Variants in C8orf34 observed in about 807,000 individuals in gnomAD.
The protein encoded by C8orf34 is chromosome 8 open reading frame 34.
In C8orf34, 65 loss-of-function variants were observed where a neutral mutation model predicts 68.3. The observed-to-expected ratio is 0.95, with a 90% CI of 0.78 to 1.17. C8orf34 has a LOEUF of 1.17. C8orf34 is among the 50% of genes most tolerant of loss of function. The probability of loss-of-function intolerance (pLI) is 0.00; values close to 1 mark genes in which losing one functional copy is unlikely to be tolerated. For missense variants in C8orf34, 664 were observed against 655.4 expected, an observed-to-expected ratio of 1.01 and a Z score of -0.14; for synonymous variants, 244 against 241.2, an observed-to-expected ratio of 1.01 and a Z score of -0.11.
At chr8:68,691,949 G>A (rs918193852) in intron 8 of C8orf34, among the ~76,000 whole-genome samples, 12 of 151,956 alleles carry the variant, frequency 7.9e-5, no homozygotes, top group South Asian at 2.1e-4. Flanking sequence ...TGAGCAACTC[G>A]GAATAAAATG....
rs563782606 is a variant in C8orf34, at chr8:68,621,846, T to C, written c.1106-18530T>C. Among the ~76,000 whole-genome samples the C allele has an allele frequency of 2.6e-5, 4 of 152,340 alleles. No homozygotes were observed. In the South Asian group the frequency reaches 8.3e-4, roughly 32 times the overall value. On this transcript the variant is annotated intron_variant, in intron 7 of 13. Coordinates refer to ENST00000518698, the MANE Select transcript of C8orf34 (RefSeq NM_052958.4). Reference sequence around the variant, plus strand: ...AATTGCTTGAGTGTTGCATTCATTATTTATAGCTGTGTAATAAATGATCAT... The same window carrying C: ...AATTGCTTGAGTGTTGCATTCATTACTTATAGCTGTGTAATAAATGATCAT...
intron 10 of C8orf34, among the ~76,000 whole-genome samples, chr8:68,774,636 T>C (rs1823453499): frequency 6.6e-6 from 1 of 152,050 alleles, no homozygotes; most frequent in African/African-American, 2.4e-5. Context: ...TAACCTGTGA[T>C]TTCTAAGTTT....
chr8:68,474,811 CA>C (rs1268776322), intron 4 of C8orf34, among the ~76,000 whole-genome samples: 1 of 152,170 alleles, frequency 6.6e-6, no homozygotes, highest in Non-Finnish European at 1.5e-5. Context: ...AAGTGACATA[CA>C]TTATCTTTCT....
chr8:68,572,431 G>A (rs1816785501), intron 7 of C8orf34, among the ~76,000 whole-genome samples: 2 of 151,602 alleles, frequency 1.3e-5, no homozygotes, highest in Admixed American at 1.3e-4. Flanking sequence ...GAATACATAA[G>A]CATTTTTGGA....
upstream of C8orf34, chr8:68,330,600 T>G (rs1488043886): frequency 6.0e-6 from 1 of 166,022 alleles, no homozygotes; most frequent in African/African-American, 2.4e-5. Flanking sequence ...CCTTTCGAAC[T>G]GCATTTGTAG....
intron 7 of C8orf34, among the ~76,000 whole-genome samples, chr8:68,588,427 ATCT>A (rs1213325034): frequency 1.3e-5 from 2 of 152,196 alleles, no homozygotes; most frequent in East Asian, 1.9e-4. Context: ...TTCAACACAA[ATCT>A]TCTTGTATTC....
At chr8:68,720,049 A>C (rs957023952) in intron 9 of C8orf34, among the ~76,000 whole-genome samples, 5 of 151,924 alleles carry the variant, frequency 3.3e-5, no homozygotes, top group Admixed American at 3.3e-4. Context: ...TTACAAGTGG[A>C]TTAATAGTTT....
intron 10 of C8orf34, among the ~76,000 whole-genome samples, chr8:68,764,729 A>G (rs1318443086): frequency 2.6e-5 from 4 of 152,192 alleles, no homozygotes; most frequent in Non-Finnish European, 4.4e-5. Context: ...GTATGACTAG[A>G]GCACCGGGAG....
At chr8:68,345,537 A>G (rs1348054676) in intron 1 of C8orf34, among the ~76,000 whole-genome samples, 1 of 152,010 alleles carries the variant, frequency 6.6e-6, no homozygotes, top group Non-Finnish European at 1.5e-5. Flanking sequence ...ACAGTTAACT[A>G]TATAAGCTTA....
Position 68,751,843 on chromosome 8 carries a change from A to T in C8orf34, c.1405-24556A>T, listed in dbSNP as rs184947792. 5.8e-3 allele frequency among the ~76,000 whole-genome samples: 873 copies of T among 150,978 alleles called. 9 individuals carry two copies. Among genetic ancestry groups the T allele is most frequent in the African/African-American group, 0.02 (837 of 41,410 alleles). ...GTTTGGGAAATTAATAGTAAAATTT[A>T]TATTTATAAAATATAAAATATATAT... is the stretch of plus-strand genomic sequence containing the variant. On this transcript the variant is annotated intron_variant, in intron 10 of 13. Coordinates refer to ENST00000518698, the MANE Select transcript of C8orf34 (RefSeq NM_052958.4).
intron 11 of C8orf34, among the ~76,000 whole-genome samples, chr8:68,786,337 T>A (rs1823844898): frequency 6.6e-6 from 1 of 152,168 alleles, no homozygotes; most frequent in Admixed American, 6.5e-5. Flanking sequence ...CCTATATGAA[T>A]GTTTACCTAG....
intron 12 of C8orf34, among the ~76,000 whole-genome samples, chr8:68,788,296 A>G (rs117909526): frequency 0.012 from 1,879 of 152,338 alleles, 30 homozygotes; most frequent in Admixed American, 0.033. Context: ...GATATGTTAC[A>G]TAGGTAGCAT....
intron 13 of C8orf34, 32 bp downstream of exon 13, chr8:68,815,977 TCGGGTAATGG>T (rs1563685603): frequency 6.2e-7 from 1 of 1,613,570 alleles, no homozygotes; most frequent in Admixed American, 1.7e-5. Context: ...AATATCGATG[TCGGGTAATGG>T]CGGGTACCTT....
intron 8 of C8orf34, among the ~76,000 whole-genome samples, chr8:68,642,582 T>A (rs560721142): frequency 6.6e-6 from 1 of 152,324 alleles, no homozygotes; most frequent in East Asian, 1.9e-4. Context: ...GGTATTAGCA[T>A]CTTCACTGGT....
At chr8:68,597,608 A>G (rs1035230884) in intron 7 of C8orf34, among the ~76,000 whole-genome samples, 5 of 151,454 alleles carry the variant, frequency 3.3e-5, no homozygotes, top group African/African-American at 1.2e-4. Context: ...GTGTGCACGG[A>G]CGAAGGAAAT....
intron 7 of C8orf34, among the ~76,000 whole-genome samples, chr8:68,630,778 T>C (rs1183712711): frequency 6.6e-6 from 1 of 151,828 alleles, no homozygotes; most frequent in Admixed American, 6.6e-5. Flanking sequence ...ATACCTACAA[T>C]TATATTTCAG....
chr8:68,570,591 T>C (rs1292728231), intron 7 of C8orf34, among the ~76,000 whole-genome samples: 1 of 152,178 alleles, frequency 6.6e-6, no homozygotes, highest in Non-Finnish European at 1.5e-5. Context: ...CTAGTATCGT[T>C]GGCACAAATT....
At chr8:68,580,878 A>G (rs1817042992) in intron 7 of C8orf34, among the ~76,000 whole-genome samples, 1 of 152,166 alleles carries the variant, frequency 6.6e-6, no homozygotes, top group Non-Finnish European at 1.5e-5. Flanking sequence ...ATCTTTTTCT[A>G]CTTTAATTCC....
At chr8:68,476,367 T>C (rs1159882769) in intron 4 of C8orf34, among the ~76,000 whole-genome samples, 1 of 152,136 alleles carries the variant, frequency 6.6e-6, no homozygotes. Context: ...TTTGGAAGTA[T>C]CCAAAGGTCA....
Sources: allele counts gnomAD v4.1 joint callset (sites outside exome capture counted in the v4.1 genomes callset), GRCh38; gene constraint gnomAD v4.1.1; transcripts MANE v1.5; gene names NCBI Gene and HGNC (gene_info 2026-07-23, HGNC 2026-07-21).